MYH11: variants seen among roughly 807,000 people sequenced by gnomAD.
MYH11 encodes the protein myosin-11.
Under a neutral mutation model 246.6 loss-of-function variants are expected in MYH11, and 80 were observed. The observed-to-expected ratio is 0.32, with a 90% CI of 0.27 to 0.39. The LOEUF is 0.39. MYH11 is among the 10% of genes least tolerant of loss of function. The probability of loss-of-function intolerance (pLI) is 1.00; values close to 1 mark genes in which losing one functional copy is unlikely to be tolerated. For missense variants in MYH11, 2,158 were observed against 2,546.8 expected (o/e 0.85, Z 3.29); for synonymous variants, 1,071 against 1,015.5 (o/e 1.05, Z -1.04).
At chr16:15,796,256 T>C (rs1292078514) in intron 4 of MYH11, among the ~76,000 whole-genome samples, 1 of 152,204 alleles carries the variant, frequency 6.6e-6, no homozygotes, top group African/African-American at 2.4e-5. Flanking sequence ...TTAAGTGAAC[T>C]TTTAAGTGAA....
chr16:15,796,632 A>G lies in MYH11; in HGVS notation c.530+2028T>C, dbSNP rs115642312. On this transcript the variant is annotated intron_variant, in intron 4 of 40. Transcript: ENST00000300036. ...AAAAACAGCCCCCACAAGAATGTCC[A>G]TGGCCTATCCTCAGAATCTGTGAAT... 3.4e-3 allele frequency among the ~76,000 whole-genome samples: 523 copies of G among 152,272 alleles called. 5 individuals are homozygous for G. The highest frequency in any genetic ancestry group is 0.012 in the African/African-American group (509 of 41,564).
intron 38 of MYH11, among the ~76,000 whole-genome samples, chr16:15,715,908 C>T (rs966730101): frequency 1.3e-5 from 2 of 152,082 alleles, no homozygotes; most frequent in African/African-American, 2.4e-5. Flanking sequence ...GGCAGATCAC[C>T]TGTGGTCAGG....
chr16:15,810,929 G>T (rs2043123901), intron 3 of MYH11, among the ~76,000 whole-genome samples: 1 of 152,180 alleles, frequency 6.6e-6, no homozygotes, highest in South Asian at 2.1e-4. Context: ...GGCAGGACAG[G>T]ATATTCAACC....
intron 27 of MYH11, among the ~76,000 whole-genome samples, chr16:15,730,887 CAAAGAGTTCCAACAACGG>C (rs1030504192): frequency 1.3e-5 from 2 of 152,320 alleles, no homozygotes; most frequent in African/African-American, 4.8e-5. Flanking sequence ...CCATACACCG[CAAAGAGTTCCAACAACGG>C]GAGAGTGATT....
At chr16:15,786,841 G>A (rs951817932) in intron 4 of MYH11, 109 bp from the exon 5 acceptor site, 50 of 1,037,810 alleles carry the variant, frequency 4.8e-5, no homozygotes, top group Non-Finnish European at 7.1e-5. Flanking sequence ...CCCAGAGGGT[G>A]AAACAGAGGC....
At chr16:15,781,238 T>C (rs893026784) in intron 6 of MYH11, among the ~76,000 whole-genome samples, 8 of 152,218 alleles carry the variant, frequency 5.3e-5, no homozygotes, top group African/African-American at 7.2e-5. Flanking sequence ...AATTGTCTTA[T>C]GTTATTTCTT....
chr16:15,830,140 A>AT (rs2043694748), intron 2 of MYH11, among the ~76,000 whole-genome samples: 1 of 151,398 alleles, frequency 6.6e-6, no homozygotes, highest in Admixed American at 6.6e-5. Context: ...GTCTCAAAAA[A>AT]AAAAAGACAC....
chr16:15,849,173 C>G (rs8045448), intron 1 of MYH11, among the ~76,000 whole-genome samples: 28,660 of 152,094 alleles, frequency 0.19, 3,339 homozygotes, highest in East Asian at 0.43. Flanking sequence ...AGGGATCCTC[C>G]CACCTCAGGT....
At chr16:15,763,741 T>TCGGGGCCCCCCCCCCCC in intron 10 of MYH11, 55 bp downstream of exon 10, 1 of 646,848 alleles carries the variant, frequency 1.5e-6, no homozygotes. Context: ...AAATGTCACC[T>TCGGGGCCCCCCCCCCCC]CCCCCACCCC....
At chr16:15,818,512 A>G (rs1434837095) in intron 3 of MYH11, among the ~76,000 whole-genome samples, 3 of 152,026 alleles carry the variant, frequency 2.0e-5, no homozygotes, top group African/African-American at 4.8e-5. Flanking sequence ...GGCTCACTGC[A>G]AGCTCCGCCT....
At chr16:15,761,184 C>T (rs1479136509) in intron 10 of MYH11, among the ~76,000 whole-genome samples, 1 of 151,596 alleles carries the variant, frequency 6.6e-6, no homozygotes, top group Non-Finnish European at 1.5e-5. Flanking sequence ...GATCTCAGCT[C>T]ACTGCAACCT....
chr16:15,836,200 G>A (rs8061225), intron 2 of MYH11, among the ~76,000 whole-genome samples: 3,943 of 152,056 alleles, frequency 0.026, 172 homozygotes, highest in African/African-American at 0.089. Context: ...ACATCAGTCT[G>A]GCGACCCGTG....
At chr16:15,722,197 T>G (rs985769546) in intron 31 of MYH11, among the ~76,000 whole-genome samples, 1 of 152,142 alleles carries the variant, frequency 6.6e-6, no homozygotes. Context: ...CTGCCCACGT[T>G]GCTTAGAGCA....
At chr16:15,852,721 A>C (rs2044362339) in intron 1 of MYH11, among the ~76,000 whole-genome samples, 2 of 152,102 alleles carry the variant, frequency 1.3e-5, no homozygotes, top group African/African-American at 4.8e-5. Context: ...CATTTCTGGG[A>C]ATTTATCCTA....
chr16:15,746,362 G>C (rs1319647271), intron 19 of MYH11, among the ~76,000 whole-genome samples: 1 of 152,064 alleles, frequency 6.6e-6, no homozygotes, highest in African/African-American at 2.4e-5. Flanking sequence ...TTCCCTGCTT[G>C]GCTGCCATCT....
rs2151291395 is a variant in MYH11 at position 15,771,674 on chromosome 16, G to A, written c.928C>T (p.Leu310Phe). The A allele has an allele frequency of 6.2e-7, 1 of 1,614,114 alleles. No individual in the cohort carries two copies. ...GGGATGGGCACAAAGCCATTGGAGA[G>A]GAAGGTGTAGTTGTTGAAGCCCTCC... ...LLEGFNNYTF[L>F]SNGFVPIPAA... The change falls in exon 9 of 41, where the codon CTC (leucine) becomes TTC (phenylalanine). Residue 310 changes from leucine (L) to phenylalanine (F), a missense_variant. Physicochemically the swap from Leu to Phe is conservative, Grantham distance 22 (BLOSUM62 0). Around this residue, in one of 11 missense-constraint regions of MYH11, gnomAD observed 75 missense variants for 70.0 expected, o/e 1.07. Coordinates refer to ENST00000300036, the MANE Select transcript of MYH11 (RefSeq NM_002474.3).
At chr16:15,735,696 C>A (rs549823020) in intron 25 of MYH11, 118 bp from the exon 26 acceptor site, 2 of 918,158 alleles carry the variant, frequency 2.2e-6, no homozygotes, top group African/African-American at 1.6e-5. Context: ...CAAACACCTT[C>A]TATCCATGTC....
chr16:15,840,233 A>C (rs547063429), intron 1 of MYH11, among the ~76,000 whole-genome samples: 1 of 152,294 alleles, frequency 6.6e-6, no homozygotes, highest in Non-Finnish European at 1.5e-5. Context: ...TGTTCTATCC[A>C]CTATAGGATG....
intron 3 of MYH11, among the ~76,000 whole-genome samples, chr16:15,807,035 T>C (rs942021536): frequency 6.6e-6 from 1 of 152,144 alleles, no homozygotes; most frequent in African/African-American, 2.4e-5. Flanking sequence ...CGATCATAGC[T>C]AACTGCAGTC....
Sources: gnomAD v4.1 joint callset for allele counts (sites outside exome capture counted in the v4.1 genomes callset) on GRCh38, gnomAD v4.1.1 for gene constraint, gnomAD v4.1.1 regional missense constraint, MANE v1.5 for transcripts, NCBI Gene and HGNC (gene_info 2026-07-23, HGNC 2026-07-21) for gene names.